MTMR3: variants seen among roughly 807,000 people sequenced by gnomAD.
MTMR3 encodes myotubularin related protein 3.
In MTMR3, 32 loss-of-function variants were observed where a neutral mutation model predicts 132.4. That is an observed-to-expected ratio of 0.24 (90% CI 0.18 to 0.32). The LOEUF is 0.32. Ranked by LOEUF, MTMR3 falls within the 10% of genes least tolerant of loss-of-function variation. MTMR3 has a pLI of 1.00. For synonymous variants in MTMR3, 556 were observed against 550.3 expected (o/e 1.01, Z -0.14); for missense variants, 1,216 against 1,489.6 (o/e 0.82, Z 3.02).
At chr22:29,907,500 T>C (rs1276353542) in intron 1 of MTMR3, among the ~76,000 whole-genome samples, 1 of 151,814 alleles carries the variant, frequency 6.6e-6, no homozygotes, top group African/African-American at 2.4e-5. Flanking sequence ...TCACCGATAG[T>C]TGATGGACCG....
intron 1 of MTMR3, among the ~76,000 whole-genome samples, chr22:29,904,616 A>G (rs2065061088): frequency 6.6e-6 from 1 of 152,248 alleles, no homozygotes; most frequent in Non-Finnish European, 1.5e-5. Context: ...AGCACTCAGT[A>G]TTTGCTAATT....
intron 8 of MTMR3, 35 bp from the exon 9 acceptor site, chr22:30,002,845 C>A: frequency 6.6e-7 from 1 of 1,520,672 alleles, no homozygotes; most frequent in Non-Finnish European, 9.1e-7. Context: ...CTCTCTTATC[C>A]CCTTGACTCT....
chr22:29,910,405 C>T (rs1026820107), intron 1 of MTMR3, among the ~76,000 whole-genome samples: 1 of 152,136 alleles, frequency 6.6e-6, no homozygotes, highest in Admixed American at 6.5e-5. Context: ...ATTTAACACT[C>T]AGTTGTTTCA....
intron 1 of MTMR3, among the ~76,000 whole-genome samples, chr22:29,940,397 A>G (rs1602520025): frequency 6.6e-6 from 1 of 150,842 alleles, no homozygotes; most frequent in Non-Finnish European, 1.5e-5. Context: ...ACTAATGATA[A>G]TCCTACCACC....
intron 8 of MTMR3, chr22:30,000,847 A>G (rs1384011209): frequency 2.0e-5 from 3 of 152,226 alleles, no homozygotes; most frequent in Non-Finnish European, 4.4e-5. Context: ...GTTTATCCAC[A>G]AGTGAGTAGG....
At chr22:29,917,857 A>G (rs2065338282) in intron 1 of MTMR3, among the ~76,000 whole-genome samples, 1 of 152,238 alleles carries the variant, frequency 6.6e-6, no homozygotes. Context: ...TACTGTGTCC[A>G]TGATATGTAT....
At chr22:29,951,149 CA>C (rs138194458) in intron 1 of MTMR3, among the ~76,000 whole-genome samples, 1 of 148,918 alleles carries the variant, frequency 6.7e-6, no homozygotes, top group Admixed American at 6.7e-5. Context: ...GACTCAGTCT[CA>C]AAAAAAAAGT....
rs1421612862 is a variant in MTMR3, at chr22:30,027,285, C to T, written c.*1484C>T. 1 of 152,798 alleles carries T rather than the reference C, an allele frequency of 6.5e-6. No individual in the cohort carries two copies. The highest frequency in any genetic ancestry group is 2.4e-5 in the African/African-American group (1 of 41,442). The allele number at this position is 152,798 out of a possible 1,614,324, so 9.5% of individuals were successfully genotyped here. ...GGAATGCTTAAGCTCTGGCCCTGCC[C>T]TGTATTCCTCTTCCCCTTGGTAGCA... On this transcript the variant is annotated 3_prime_UTR_variant, in exon 20 of 20. Transcript: ENST00000401950.
intron 2 of MTMR3, among the ~76,000 whole-genome samples, chr22:29,964,653 G>T (rs577914437): frequency 3.3e-5 from 5 of 152,222 alleles, no homozygotes; most frequent in African/African-American, 1.2e-4. Context: ...CACATACTTA[G>T]GCTTTTATCC....
At chr22:29,938,629 T>C (rs2065796437) in intron 1 of MTMR3, among the ~76,000 whole-genome samples, 1 of 152,184 alleles carries the variant, frequency 6.6e-6, no homozygotes, top group Non-Finnish European at 1.5e-5. Context: ...AGCCCACTGG[T>C]ATTCAGACCT....
intron 1 of MTMR3, among the ~76,000 whole-genome samples, chr22:29,955,102 A>G (rs1244383508): frequency 6.6e-6 from 1 of 151,962 alleles, no homozygotes; most frequent in African/African-American, 2.4e-5. Context: ...CCATCCTCCC[A>G]TCTCAGCCTT....
intron 2 of MTMR3, among the ~76,000 whole-genome samples, chr22:29,966,144 C>T (rs1011751304): frequency 6.6e-5 from 10 of 152,296 alleles, no homozygotes; most frequent in African/African-American, 1.9e-4. Flanking sequence ...GGTACTCCTA[C>T]TCATTCTGCC....
In MTMR3 at chr22:29,993,301, T is replaced by G. The variant is rs1255593798; in HGVS notation, c.460+1631T>G. 4.6e-5 allele frequency: 7 copies of G among 152,360 alleles called. No individual in the cohort carries two copies. In the East Asian group the frequency reaches 1.3e-3, roughly 29 times the overall value. The allele number at this position is 152,360 out of a possible 1,614,324, so 9.4% of individuals were successfully genotyped here. On this transcript the variant is annotated intron_variant, in intron 7 of 19. Transcript: ENST00000401950. Reference sequence around the variant, plus strand: ...ATGCCATCACATTTTAAATACATTTTTTCATTTTTTATGGCTCTTTTCAAA... The same window carrying G: ...ATGCCATCACATTTTAAATACATTTGTTCATTTTTTATGGCTCTTTTCAAA...
intron 1 of MTMR3, among the ~76,000 whole-genome samples, chr22:29,921,875 G>A (rs2145771308): frequency 6.9e-6 from 1 of 145,192 alleles, no homozygotes; most frequent in East Asian, 2.0e-4. Context: ...TTGAGACAGA[G>A]TGTCACTCTA....
At chr22:29,964,562 G>T (rs1228240279) in intron 2 of MTMR3, among the ~76,000 whole-genome samples, 2 of 152,012 alleles carry the variant, frequency 1.3e-5, no homozygotes, top group Non-Finnish European at 2.9e-5. Context: ...GTCTCCTCTG[G>T]ACTGTAAGTT....
chr22:29,983,859 ACTC>A (rs1427213132), intron 5 of MTMR3: 1 of 149,576 alleles, frequency 6.7e-6, no homozygotes, highest in Non-Finnish European at 1.5e-5. Flanking sequence ...TGGTCTCAAA[ACTC>A]CTGGGCTCAA....
chr22:29,913,562 A>C (rs991985802), intron 1 of MTMR3, among the ~76,000 whole-genome samples: 1 of 152,226 alleles, frequency 6.6e-6, no homozygotes, highest in Non-Finnish European at 1.5e-5. Context: ...AAATGAAATC[A>C]TACAGGATAT....
chr22:30,003,893 C>A (rs2067224306), intron 9 of MTMR3: 1 of 152,164 alleles, frequency 6.6e-6, no homozygotes, highest in African/African-American at 2.4e-5. Context: ...ATTTCATTTT[C>A]CCAGTTTGCC....
chr22:29,912,049 CAA>C (rs1397079452), intron 1 of MTMR3, among the ~76,000 whole-genome samples: 6 of 152,080 alleles, frequency 3.9e-5, no homozygotes, highest in East Asian at 3.9e-4. Flanking sequence ...AAAAGTCAGA[CAA>C]GAGGAAATGA....
Sources: allele counts gnomAD v4.1 joint callset (sites outside exome capture counted in the v4.1 genomes callset), GRCh38; gene constraint gnomAD v4.1.1; transcripts MANE v1.5; gene names NCBI Gene and HGNC (gene_info 2026-07-23, HGNC 2026-07-21).